The following BLTP1 variants were observed in gnomAD, a reference collection of about 807,000 sequenced individuals.
BLTP1 encodes fragile site-associated protein.
the BLTP1 span, chr4:122,276,697 T>C: frequency 1.1e-6 from 1 of 897,516 alleles, no homozygotes; most frequent in Non-Finnish European, 1.3e-6. Flanking sequence ...TTTCAGAGCC[T>C]ACCTTCATGC....
chr4:122,245,079 A>G, the BLTP1 span: 1 of 1,612,288 alleles, frequency 6.2e-7, no homozygotes, highest in Non-Finnish European at 8.5e-7. Flanking sequence ...ATTGTAGATG[A>G]TCTTCATGCT....
the BLTP1 span, among the ~76,000 whole-genome samples, chr4:122,260,508 A>T: frequency 6.6e-6 from 1 of 152,230 alleles, no homozygotes; most frequent in African/African-American, 2.4e-5. Flanking sequence ...AATTAAAGAA[A>T]TGTAAATTAA....
chr4:122,240,085 C>T, the BLTP1 span: 20 of 1,613,916 alleles, frequency 1.2e-5, no homozygotes, highest in South Asian at 4.4e-5. Context: ...TTTGTTTCTG[C>T]GTTAGGTGGA....
At chr4:122,333,854 C>T in the BLTP1 span, 1 of 1,564,510 alleles carries the variant, frequency 6.4e-7, no homozygotes, top group Non-Finnish European at 8.6e-7. Context: ...CTATTGGTAG[C>T]AATGTTTATT....
chr4:122,219,183 A>G, the BLTP1 span: 5 of 981,326 alleles, frequency 5.1e-6, no homozygotes, highest in Non-Finnish European at 3.6e-6. Flanking sequence ...AAGTCTTAAC[A>G]TATGTTTTCT....
At chr4:122,277,945 T>C in the BLTP1 span, among the ~76,000 whole-genome samples, 1 of 152,178 alleles carries the variant, frequency 6.6e-6, no homozygotes, top group Non-Finnish European at 1.5e-5. Context: ...ATATAAAATA[T>C]CTTGTTCATG....
At chr4:122,214,332 C>G in the BLTP1 span, 1 of 923,780 alleles carries the variant, frequency 1.1e-6, no homozygotes, top group Non-Finnish European at 1.3e-6. Context: ...TGTAGTTTAT[C>G]ATTCATAAAT....
the BLTP1 span, among the ~76,000 whole-genome samples, chr4:122,280,341 T>G: frequency 1.3e-5 from 2 of 152,266 alleles, no homozygotes; most frequent in African/African-American, 2.4e-5. Flanking sequence ...CTGCACAGAT[T>G]TAAGAAAGTA....
At chr4:122,219,689 C>A in the BLTP1 span, 1 of 645,760 alleles carries the variant, frequency 1.5e-6, no homozygotes, top group Non-Finnish European at 2.6e-6. Context: ...TAAATTTATT[C>A]TTTTACTGTT....
the BLTP1 span, chr4:122,334,630 C>A: frequency 7.5e-7 from 1 of 1,335,740 alleles, no homozygotes; most frequent in Non-Finnish European, 1.0e-6. Context: ...CTTTCCAATG[C>A]ACATGTTTAA....
At chr4:122,308,119 A>G in the BLTP1 span, 2 of 1,613,482 alleles carry the variant, frequency 1.2e-6, no homozygotes, top group Non-Finnish European at 1.7e-6. Context: ...GCTCACTGTC[A>G]ATGATCTGGG....
the BLTP1 span, chr4:122,293,164 TA>T: frequency 5.0e-5 from 49 of 981,980 alleles, no homozygotes; most frequent in Non-Finnish European, 5.7e-5. Flanking sequence ...TACTATGAAA[TA>T]AAACTTGATT....
chr4:122,260,590 A>G, the BLTP1 span, among the ~76,000 whole-genome samples: 1 of 152,166 alleles, frequency 6.6e-6, no homozygotes, highest in South Asian at 2.1e-4. Flanking sequence ...GTTGGTGAAG[A>G]TGTAAGAAAA....
At chr4:122,174,793 CTTGATGAA>C in the BLTP1 span, 2 of 683,068 alleles carry the variant, frequency 2.9e-6, no homozygotes, top group Non-Finnish European at 4.6e-6. Flanking sequence ...GTAAATCATA[CTTGATGAA>C]TTGATGTTTT....
At chr4:122,291,535 G>A in the BLTP1 span, among the ~76,000 whole-genome samples, 2 of 152,132 alleles carry the variant, frequency 1.3e-5, no homozygotes, top group Non-Finnish European at 2.9e-5. Context: ...GAAGACTAAT[G>A]TTCATAACAA....
At chr4:122,339,113 T>G in the BLTP1 span, 1 of 1,382,598 alleles carries the variant, frequency 7.2e-7, no homozygotes, top group Admixed American at 2.3e-5. Context: ...AAAAAAATGT[T>G]TCTTAAGTTT....
At chr4:122,264,315 A>G in the BLTP1 span, 1 of 1,610,860 alleles carries the variant, frequency 6.2e-7, no homozygotes. Context: ...TTGTCTAGTG[A>G]CCAAAATACT....
At chr4:122,207,335 A>G in the BLTP1 span, 2 of 1,432,536 alleles carry the variant, frequency 1.4e-6, no homozygotes, top group Non-Finnish European at 1.9e-6. Context: ...GAAAATTAGT[A>G]TTGATTTGAT....
the BLTP1 span, chr4:122,331,433 A>AGAG: frequency 6.2e-7 from 1 of 1,612,140 alleles, no homozygotes; most frequent in Non-Finnish European, 8.5e-7. Flanking sequence ...ACAGCTACAG[A>AGAG]GAGAAATATT....
Sources: allele counts gnomAD v4.1 joint callset (sites outside exome capture counted in the v4.1 genomes callset), GRCh38; gene constraint gnomAD v4.1.1; transcripts MANE v1.5; gene names NCBI Gene and HGNC (gene_info 2026-07-23, HGNC 2026-07-21).